TMPRSS6: variants seen among roughly 807,000 people sequenced by gnomAD.
TMPRSS6 encodes the protein transmembrane serine protease 6.
TMPRSS6 carries 67 observed loss-of-function variants against 101.5 expected under a neutral mutation model. The observed-to-expected ratio is 0.66, with a 90% CI of 0.54 to 0.81. The LOEUF is 0.81. TMPRSS6 is among the 30% of genes least tolerant of loss of function. TMPRSS6 has a pLI of 0.00. For missense variants in TMPRSS6, 1,034 were observed against 1,088.7 expected, an observed-to-expected ratio of 0.95 and a Z score of 0.71; for synonymous variants, 453 against 464.9, an observed-to-expected ratio of 0.97 and a Z score of 0.33.
chr22:37,066,906 A>G lies in TMPRSS6; in HGVS notation c.2170T>C (p.Cys724Arg), dbSNP rs959071657. The G allele has an allele frequency of 4.3e-6, 7 of 1,614,166 alleles. No homozygotes were observed. The highest frequency in any genetic ancestry group is 1.1e-5 in the South Asian group (1 of 91,080). ...ACCTGGTAGCGATAGACCTCGCTGC[A>G]CAGGTCCTGTGGGATCAACTGCACA... ...VDVQLIPQDL[C>R]SEVYRYQVTP... The change falls in exon 17 of 18, where the codon TGC becomes CGC. Residue 724 changes from cysteine to arginine, a missense_variant. Coordinates refer to ENST00000676104, the MANE Select transcript of TMPRSS6 (RefSeq NM_001374504.1).
At chr22:37,096,515 C>A in intron 4 of TMPRSS6, 133 bp downstream of exon 4, 2 of 1,020,704 alleles carry the variant, frequency 2.0e-6, no homozygotes, top group East Asian at 2.6e-5. Flanking sequence ...ATGCAGGAAG[C>A]CAAGTTCCCT....
upstream of TMPRSS6, among the ~76,000 whole-genome samples, chr22:37,110,236 C>T (rs186987574): frequency 1.1e-4 from 17 of 150,560 alleles, no homozygotes; most frequent in Admixed American, 1.0e-3. Flanking sequence ...CTCCGCCTCC[C>T]GGGTTCAAGC....
At chr22:37,099,357 C>T (rs940974696) in intron 2 of TMPRSS6, among the ~76,000 whole-genome samples, 2 of 152,182 alleles carry the variant, frequency 1.3e-5, no homozygotes, top group Non-Finnish European at 2.9e-5. Flanking sequence ...CTGGGGCCTC[C>T]GCAGGGCAGG....
intron 6 of TMPRSS6, among the ~76,000 whole-genome samples, chr22:37,093,758 C>T (rs1227328661): frequency 2.0e-5 from 3 of 151,184 alleles, no homozygotes; most frequent in Admixed American, 2.0e-4. Context: ...CGTGGTGGCT[C>T]ACACCTGTAA....
At position 37,103,616 on chromosome 22, in the gene TMPRSS6, G is replaced by C; in HGVS notation, c.-1-198C>G. 1 of 1,603,462 alleles carries C rather than the reference G, an allele frequency of 6.2e-7. No homozygotes were observed. On this transcript the variant is annotated intron_variant, in intron 1 of 17. Coordinates refer to ENST00000676104, the MANE Select transcript of TMPRSS6 (RefSeq NM_001374504.1). The surrounding 1 kb of genome is among the most constrained non-coding windows in gnomAD (Gnocchi z 4.4). ...GTGCATCTCAGGTCAGCTCGCACCA[G>C]AGGGCAGGCACCAGAGCTGGACTGG...
intron 3 of TMPRSS6, among the ~76,000 whole-genome samples, chr22:37,097,158 G>A (rs892235865): frequency 2.6e-5 from 4 of 152,324 alleles, no homozygotes; most frequent in African/African-American, 4.8e-5. Context: ...AATAGTGTTC[G>A]TGTTATCTCA....
In TMPRSS6 at chr22:37,103,620, G is replaced by A; in HGVS notation, c.-1-202C>T. ...ATCTCAGGTCAGCTCGCACCAGAGG[G>A]CAGGCACCAGAGCTGGACTGGGTCT... is the stretch of plus-strand genomic sequence containing the variant. On this transcript the variant is annotated intron_variant, in intron 1 of 17. Transcript: ENST00000676104. The surrounding 1 kb of genome is among the most constrained non-coding windows in gnomAD (Gnocchi z 4.4). 1.3e-6 allele frequency: 2 copies of A among 1,595,960 alleles called. No homozygotes were observed. The highest frequency in any genetic ancestry group is 1.7e-6 in the Non-Finnish European group (2 of 1,167,866).
At chr22:37,081,672 G>A (rs1221627582) in intron 10 of TMPRSS6, among the ~76,000 whole-genome samples, 1 of 152,152 alleles carries the variant, frequency 6.6e-6, no homozygotes, top group African/African-American at 2.4e-5. Context: ...TGGGGGCACA[G>A]GGAGCTGTCA....
In TMPRSS6 at chr22:37,069,363, G is replaced by A. The variant is rs1926673000; in HGVS notation, c.1842-19C>T. ...GGCCATGCTGGGGTGGGGTGGGGTG[G>A]GGTGGGGTGGGGTGAGGTGAGGTGG... is the stretch of plus-strand genomic sequence containing the variant. On this transcript the variant is annotated intron_variant, in intron 15 of 17. Transcript: ENST00000676104. This position sits in a 1 kb window ranked among gnomAD's most constrained non-coding sequence, Gnocchi z 4.8. 58 of 1,452,952 alleles carry A rather than the reference G, an allele frequency of 4.0e-5. No homozygotes were observed. The highest frequency in any genetic ancestry group is 5.0e-5 in the East Asian group (2 of 39,998). The allele number at this position is 1,452,952 out of a possible 1,614,324, so 90.0% of individuals were successfully genotyped here.
intron 10 of TMPRSS6, 48 bp from the exon 11 acceptor site, chr22:37,075,328 G>A: frequency 6.2e-7 from 1 of 1,610,150 alleles, no homozygotes; most frequent in Non-Finnish European, 8.5e-7. Context: ...TGGTCTCCTG[G>A]GTCCCGTGCA....
chr22:37,082,209 G>C (rs1928323888), intron 10 of TMPRSS6, among the ~76,000 whole-genome samples: 1 of 152,158 alleles, frequency 6.6e-6, no homozygotes, highest in South Asian at 2.1e-4. Flanking sequence ...CCTTCTCTGG[G>C]AAACAGGAAC....
intron 13 of TMPRSS6, among the ~76,000 whole-genome samples, chr22:37,072,248 T>TG (rs1555887132): frequency 8.4e-6 from 1 of 118,536 alleles, no homozygotes; most frequent in African/African-American, 3.9e-5. Context: ...GATGGATGGA[T>TG]GATGGATGGA....
In TMPRSS6 at chr22:37,098,332, C is replaced by T. The variant is rs541276609; in HGVS notation, c.336+84G>A. 25 of 1,605,704 alleles carry T rather than the reference C, an allele frequency of 1.6e-5. No individual in the cohort carries two copies. The African/African-American group carries it at 2.1e-4, about 14-fold the overall frequency. On this transcript the variant is annotated intron_variant, in intron 3 of 17. Transcript: ENST00000676104. Reference sequence around the variant, plus strand: ...CCTGTGAATGCTCCAGATGGGTTGACCAACTGGCTCCATGTGATCAGACCC... The same window carrying T: ...CCTGTGAATGCTCCAGATGGGTTGATCAACTGGCTCCATGTGATCAGACCC...
intron 8 of TMPRSS6, among the ~76,000 whole-genome samples, chr22:37,086,052 CAG>C (rs952788108): frequency 3.4e-5 from 5 of 145,166 alleles, no homozygotes; most frequent in African/African-American, 5.2e-5. Context: ...GCCAGGAAGA[CAG>C]AGACTGCGAA....
At chr22:37,081,317 T>C (rs1406858516) in intron 10 of TMPRSS6, among the ~76,000 whole-genome samples, 35 of 152,132 alleles carry the variant, frequency 2.3e-4, no homozygotes, top group Admixed American at 2.3e-3. Context: ...TTCAGATGAG[T>C]TACCTGAGGT....
chr22:37,092,698 G>A (rs570423172), intron 6 of TMPRSS6, among the ~76,000 whole-genome samples: 1 of 152,330 alleles, frequency 6.6e-6, no homozygotes, highest in African/African-American at 2.4e-5. Flanking sequence ...GTTTTGCCAT[G>A]TTGGCCAGGC....
At chr22:37,104,777 A>G (rs1447600653) in intron 1 of TMPRSS6, among the ~76,000 whole-genome samples, 2 of 152,144 alleles carry the variant, frequency 1.3e-5, no homozygotes, top group Admixed American at 6.5e-5. Context: ...CCTGGCCAAT[A>G]TGGTGAAACC....
upstream of TMPRSS6, among the ~76,000 whole-genome samples, chr22:37,110,229 C>T (rs1930977163): frequency 6.6e-6 from 1 of 150,686 alleles, no homozygotes; most frequent in Non-Finnish European, 1.5e-5. Context: ...CTGCAACCTC[C>T]GCCTCCCGGG....
chr22:37,071,145 G>A (rs1601520134), intron 13 of TMPRSS6, 113 bp from the exon 14 acceptor site: 2 of 955,214 alleles, frequency 2.1e-6, no homozygotes, highest in Non-Finnish European at 3.3e-6. Context: ...GAGGTGACTA[G>A]AGAGTCTTTT....
Sources: allele counts gnomAD v4.1 joint callset (sites outside exome capture counted in the v4.1 genomes callset), GRCh38; gene constraint gnomAD v4.1.1; non-coding constraint Gnocchi (gnomAD v3.1); transcripts MANE v1.5; gene names NCBI Gene and HGNC (gene_info 2026-07-23, HGNC 2026-07-21).